Variants in PLCE1 observed in about 807,000 individuals in gnomAD.
The protein encoded by PLCE1 is 1-phosphatidylinositol 4,5-bisphosphate phosphodiesterase epsilon-1.
Under a neutral mutation model 242.8 loss-of-function variants are expected in PLCE1, and 119 were observed. That is an observed-to-expected ratio of 0.49 (90% CI 0.42 to 0.57). The LOEUF (loss-of-function observed/expected upper bound fraction) is 0.57. Ranked by LOEUF, PLCE1 falls within the 20% of genes least tolerant of loss-of-function variation. PLCE1 has a pLI of 0.00. For synonymous variants in PLCE1, 945 were observed against 1,017.4 expected (o/e 0.93, Z 1.35); for missense variants, 2,441 against 2,788.8 (o/e 0.88, Z 2.81).
At chr10:94,076,075 C>T (rs1395368939) in intron 2 of PLCE1, among the ~76,000 whole-genome samples, 4 of 151,822 alleles carry the variant, frequency 2.6e-5, no homozygotes, top group African/African-American at 4.8e-5. Flanking sequence ...GTCTGAGACC[C>T]AAATTCAAGT....
At chr10:94,193,295 G>C (rs1467950004) in intron 4 of PLCE1, among the ~76,000 whole-genome samples, 1 of 152,202 alleles carries the variant, frequency 6.6e-6, no homozygotes, top group East Asian at 1.9e-4. Flanking sequence ...GTGAGAAAAT[G>C]TAGGTAATGG....
rs147020928 is a variant in PLCE1 at position 94,001,041 on chromosome 10, G to A, written c.-365+6783G>A. Among the ~76,000 whole-genome samples the A allele has an allele frequency of 2.6e-3, 394 of 152,254 alleles. 2 individuals are homozygous for A. The highest frequency in any genetic ancestry group is 9.0e-3 in the African/African-American group (375 of 41,536). On this transcript the variant is annotated intron_variant, in intron 1 of 32. Transcript: ENST00000371380. The stretch of plus-strand genomic sequence containing the variant: ...TTTCCTCTGTGCTCTTGGGGTTTAA[G>A]TTTTTAAAACAAAAGCCAAAAAGGC...
At chr10:94,315,932 AC>A (rs2053558798) in intron 28 of PLCE1, among the ~76,000 whole-genome samples, 1 of 152,022 alleles carries the variant, frequency 6.6e-6, no homozygotes, top group African/African-American at 2.4e-5. Flanking sequence ...TAAGTATCTT[AC>A]CCAATAATTC....
At chr10:94,214,341 T>G (rs2049446149) in intron 4 of PLCE1, among the ~76,000 whole-genome samples, 1 of 152,096 alleles carries the variant, frequency 6.6e-6, no homozygotes. Flanking sequence ...GGAGAGTGAT[T>G]ACATACACTC....
intron 1 of PLCE1, among the ~76,000 whole-genome samples, chr10:94,009,371 C>T (rs1302003398): frequency 6.6e-6 from 1 of 152,176 alleles, no homozygotes; most frequent in African/African-American, 2.4e-5. Flanking sequence ...ATCCAAACAC[C>T]TTCCACTAGG....
At chr10:94,102,260 A>G (rs2045567514) in intron 2 of PLCE1, among the ~76,000 whole-genome samples, 1 of 152,178 alleles carries the variant, frequency 6.6e-6, no homozygotes, top group African/African-American at 2.4e-5. Context: ...AGCTTCAGAA[A>G]CATTGAGCCT....
At chr10:94,033,256 A>G (rs1231358717) in intron 2 of PLCE1, among the ~76,000 whole-genome samples, 2 of 151,998 alleles carry the variant, frequency 1.3e-5, no homozygotes, top group Non-Finnish European at 2.9e-5. Flanking sequence ...TCATAAGTAT[A>G]GATTGTATAC....
At chr10:94,164,421 C>A (rs1332706356) in intron 3 of PLCE1, among the ~76,000 whole-genome samples, 1 of 152,204 alleles carries the variant, frequency 6.6e-6, no homozygotes, top group Non-Finnish European at 1.5e-5. Context: ...ATCACTGATT[C>A]CCTTTCTTCC....
chr10:94,111,445 T>C (rs763413830), intron 2 of PLCE1, among the ~76,000 whole-genome samples: 1 of 152,184 alleles, frequency 6.6e-6, no homozygotes, highest in Non-Finnish European at 1.5e-5. Flanking sequence ...TTGTGGAGCC[T>C]GCACCAGAGA....
intron 4 of PLCE1, among the ~76,000 whole-genome samples, chr10:94,203,449 A>T (rs2049045185): frequency 6.6e-6 from 1 of 152,228 alleles, no homozygotes; most frequent in Admixed American, 6.5e-5. Flanking sequence ...AATCTGGTTG[A>T]TCAGACTTGC....
chr10:94,253,478 C>A (rs2050953331), intron 9 of PLCE1, among the ~76,000 whole-genome samples: 1 of 152,090 alleles, frequency 6.6e-6, no homozygotes, highest in Admixed American at 6.5e-5. Flanking sequence ...CTCAGCCTGC[C>A]AAGTATCTGG....
chr10:94,231,303 C>A (rs2050135907), intron 5 of PLCE1, among the ~76,000 whole-genome samples: 1 of 152,176 alleles, frequency 6.6e-6, no homozygotes. Context: ...TTCATTCATT[C>A]ACTTCATTTG....
chr10:94,324,926 T>A lies in PLCE1; in HGVS notation c.6755T>A (p.Phe2252Tyr). The A allele has an allele frequency of 6.2e-7, 1 of 1,614,188 alleles. No homozygotes were observed. Reference protein sequence around the residue: ...SREDKKKGISFASELKKLTKS... With the variant: ...SREDKKKGISYASELKKLTKS... Reference sequence around the variant, plus strand: ...GAAGATAAAAAGAAAGGCATTTCTTTCGCAAGTGAACTCAAGAAGCTCACC... The same window carrying A: ...GAAGATAAAAAGAAAGGCATTTCTTACGCAAGTGAACTCAAGAAGCTCACC... The change falls in exon 32 of 33, where the codon TTC becomes TAC. Residue 2252 changes from phenylalanine (F) to tyrosine (Y), a missense_variant. This residue lies in a region of PLCE1 where 310 missense variants were observed against 317.2 expected (regional missense o/e 0.98). Transcript: ENST00000371380.
In PLCE1 at chr10:94,228,061, A is replaced by G. The variant is rs79060146; in HGVS notation, c.1955+610A>G. On this transcript the variant is annotated intron_variant, in intron 5 of 32. Transcript: ENST00000371380. Reference sequence around the variant, plus strand: ...TAAGAGAAATTAAGTCATTCACCCAAGGTCACCTGGCATTGCTGGGAATAC... The same window carrying G: ...TAAGAGAAATTAAGTCATTCACCCAGGGTCACCTGGCATTGCTGGGAATAC... 2.3e-3 allele frequency among the ~76,000 whole-genome samples: 351 copies of G among 152,356 alleles called. 2 individuals are homozygous for G. The highest frequency in any genetic ancestry group is 7.5e-3 in the African/African-American group (312 of 41,584).
intron 30 of PLCE1, 44 bp downstream of exon 30, chr10:94,322,103 A>G: frequency 6.4e-7 from 1 of 1,567,766 alleles, no homozygotes; most frequent in Non-Finnish European, 8.8e-7. Flanking sequence ...TCCTCAGCAT[A>G]AATTATTGGA....
intron 4 of PLCE1, among the ~76,000 whole-genome samples, chr10:94,220,147 TAGA>T (rs1038603231): frequency 6.6e-6 from 1 of 151,264 alleles, no homozygotes; most frequent in African/African-American, 2.4e-5. Context: ...AGCTTATGAT[TAGA>T]AGAACTTGGT....
chr10:94,301,362 A>G (rs2053032749), intron 24 of PLCE1, among the ~76,000 whole-genome samples: 1 of 152,018 alleles, frequency 6.6e-6, no homozygotes, highest in South Asian at 2.1e-4. Context: ...AAAGAAAAAG[A>G]AAATTATATA....
At chr10:94,241,531 C>A (rs554112162) in intron 7 of PLCE1, among the ~76,000 whole-genome samples, 4 of 152,174 alleles carry the variant, frequency 2.6e-5, no homozygotes, top group East Asian at 1.9e-4. Flanking sequence ...GTGGCTCCCC[C>A]CTGTAATCCC....
At chr10:94,307,520 T>C (rs2053242768) in intron 26 of PLCE1, among the ~76,000 whole-genome samples, 1 of 152,224 alleles carries the variant, frequency 6.6e-6, no homozygotes, top group African/African-American at 2.4e-5. Context: ...GCTGCCATCA[T>C]GGAATACCAC....
Sources: allele counts gnomAD v4.1 joint callset (sites outside exome capture counted in the v4.1 genomes callset), GRCh38; gene constraint gnomAD v4.1.1; regional missense constraint gnomAD v4.1.1; transcripts MANE v1.5; gene names NCBI Gene and HGNC (gene_info 2026-07-23, HGNC 2026-07-21).